The following ITPKB variants were observed in gnomAD, a reference collection of about 807,000 sequenced individuals.
ITPKB encodes the protein IP3 3-kinase B.
In ITPKB, 13 loss-of-function variants were observed where a neutral mutation model predicts 69.4. The observed-to-expected ratio is 0.19, with a 90% confidence interval of 0.12 to 0.30. ITPKB has a LOEUF of 0.30. Among genes scored for constraint, ITPKB ranks in the 10% least tolerant of loss-of-function variants. ITPKB has a pLI of 1.00. For synonymous variants in ITPKB, 584 were observed against 513.7 expected, an observed-to-expected ratio of 1.14 and a Z score of -1.85; for missense variants, 1,240 against 1,250.5, an observed-to-expected ratio of 0.99 and a Z score of 0.13.
At chr1:226,635,557 C>A (rs1287199027) in intron 7 of ITPKB, among the ~76,000 whole-genome samples, 1 of 152,128 alleles carries the variant, frequency 6.6e-6, no homozygotes, top group Non-Finnish European at 1.5e-5. Context: ...GACCACAACC[C>A]AATCTGGGGC....
At chr1:226,651,763 A>G (rs536722022) in intron 2 of ITPKB, among the ~76,000 whole-genome samples, 12 of 152,330 alleles carry the variant, frequency 7.9e-5, no homozygotes, top group African/African-American at 2.6e-4. Context: ...CAGAGGCTAA[A>G]GACCAGGGGT....
chr1:226,651,153 A>C (rs1170580357), intron 2 of ITPKB, among the ~76,000 whole-genome samples: 3 of 152,136 alleles, frequency 2.0e-5, no homozygotes, highest in Non-Finnish European at 4.4e-5. Flanking sequence ...AGAAGACTAC[A>C]GCTGGCAGCG....
intron 7 of ITPKB, among the ~76,000 whole-genome samples, chr1:226,635,928 G>A (rs1668828645): frequency 1.3e-5 from 2 of 152,254 alleles, no homozygotes; most frequent in Non-Finnish European, 2.9e-5. Context: ...GGGCTCAGGT[G>A]ACATTCCAGC....
At chr1:226,675,390 C>T (rs918829108) in intron 2 of ITPKB, among the ~76,000 whole-genome samples, 1 of 152,168 alleles carries the variant, frequency 6.6e-6, no homozygotes, top group Non-Finnish European at 1.5e-5. Context: ...AGTCCAATCA[C>T]GAAGCACAGA....
Position 226,736,498 on chromosome 1 carries a change from G to T in ITPKB, c.961C>A (p.Leu321Ile). 1 of 1,614,044 alleles carries T rather than the reference G, an allele frequency of 6.2e-7. No homozygotes were observed. Among genetic ancestry groups the T allele is most frequent in the Non-Finnish European group, 8.5e-7 (1 of 1,180,050 alleles). The change falls in exon 2 of 8, where the codon CTT (leucine) becomes ATT (isoleucine). Residue 321 changes from leucine (L) to isoleucine (I), a missense_variant. Transcript: ENST00000429204. The stretch of plus-strand genomic sequence containing the variant: ...CTCCCAGACGGCTCAGTGAGGGCAA[G>T]ATCCTGTGGACGGTGTGGCCCAGTG... ...TSTGPHRPQD[L>I]ALTEPSGRAR...
intron 2 of ITPKB, among the ~76,000 whole-genome samples, chr1:226,655,703 C>T (rs1249973022): frequency 1.3e-5 from 2 of 152,270 alleles, no homozygotes; most frequent in African/African-American, 2.4e-5. Context: ...AGGGCCAGCA[C>T]TGTCTGATCC....
intron 2 of ITPKB, among the ~76,000 whole-genome samples, chr1:226,711,514 C>CCAGATGCT (rs1380341300): frequency 1.3e-5 from 2 of 150,850 alleles, no homozygotes; most frequent in African/African-American, 4.9e-5. Flanking sequence ...GCCCAGATGC[C>CCAGATGCT]CAGATGCTCA....
At chr1:226,707,665 A>C (rs1656836538) in intron 2 of ITPKB, 2 of 1,016,190 alleles carry the variant, frequency 2.0e-6, no homozygotes, top group African/African-American at 3.5e-5. Flanking sequence ...TCACAAGGAA[A>C]CATGTAGAGT....
rs898448559 is a variant in ITPKB, at chr1:226,738,474, G to A, written c.-206+567C>T. On this transcript the variant is annotated intron_variant, in intron 1 of 7. Coordinates refer to ENST00000429204, the MANE Select transcript of ITPKB (RefSeq NM_002221.4). The surrounding 1 kb of genome is among the most constrained non-coding windows in gnomAD (Gnocchi z 4.2). ...TGGGGGGGTGTCTGTGAGTGTGTGT[G>A]TATACACGCGTGTGTGTATACGCCG... is the stretch of plus-strand genomic sequence containing the variant. Among the ~76,000 whole-genome samples the A allele has an allele frequency of 3.3e-5, 5 of 152,188 alleles. No homozygotes were observed. The highest frequency in any genetic ancestry group is 1.3e-4 in the Admixed American group (2 of 15,260).
intron 2 of ITPKB, among the ~76,000 whole-genome samples, chr1:226,701,373 G>C (rs1656632067): frequency 6.6e-6 from 1 of 152,090 alleles, no homozygotes; most frequent in Admixed American, 6.5e-5. Flanking sequence ...GGGAGGCCGA[G>C]GCAGGCGGAT....
rs1372972393 is a variant in ITPKB, at chr1:226,641,807, A to T, written c.2451+114T>A. The T allele has an allele frequency of 2.0e-6, 2 of 1,005,578 alleles. No individual in the cohort carries two copies. Among genetic ancestry groups the T allele is most frequent in the African/African-American group, 3.2e-5 (2 of 62,216 alleles). 62.3% of individuals were successfully genotyped at this position (1,005,578 alleles called of 1,614,324 possible). ...TCTGGCCTTGGGGCGGGCCACCCACATTCTGAGCCTGTGCCTGGAGAAGCT... is the reference window on the plus strand; with the variant it reads ...TCTGGCCTTGGGGCGGGCCACCCACTTTCTGAGCCTGTGCCTGGAGAAGCT... On this transcript the variant is annotated intron_variant, in intron 5 of 7. Coordinates refer to ENST00000429204, the MANE Select transcript of ITPKB (RefSeq NM_002221.4). The surrounding 1 kb of genome is among the most constrained non-coding windows in gnomAD (Gnocchi z 4.6).
Position 226,670,424 on chromosome 1 carries a change from C to A in ITPKB, c.1933-21653G>T, listed in dbSNP as rs147852426. On this transcript the variant is annotated intron_variant, in intron 2 of 7. Coordinates refer to ENST00000429204, the MANE Select transcript of ITPKB (RefSeq NM_002221.4). ...AAAAAACGGAAAAAGTTACATGCAC[C>A]AAGATGTTAATTATGCCATTGTTTC... is the stretch of plus-strand genomic sequence containing the variant. 1.7e-3 allele frequency among the ~76,000 whole-genome samples: 255 copies of A among 152,192 alleles called. 2 individuals carry two copies. The highest frequency in any genetic ancestry group is 6.0e-3 in the African/African-American group (248 of 41,504).
chr1:226,714,326 C>T (rs866249831), intron 2 of ITPKB, among the ~76,000 whole-genome samples: 1 of 152,192 alleles, frequency 6.6e-6, no homozygotes, highest in South Asian at 2.1e-4. Flanking sequence ...CACAGCTGAC[C>T]CAGATCAGGT....
At chr1:226,722,643 A>G (rs1657276842) in intron 2 of ITPKB, among the ~76,000 whole-genome samples, 1 of 152,164 alleles carries the variant, frequency 6.6e-6, no homozygotes, top group Non-Finnish European at 1.5e-5. Context: ...ACCACCCCTG[A>G]GGTCAACACT....
Position 226,634,460 on chromosome 1 carries a change from A to G in ITPKB, c.*211T>C. 1.7e-6 allele frequency: 1 copy of G among 573,402 alleles called. No individual in the cohort carries two copies. The highest frequency in any genetic ancestry group is 2.9e-5 in the East Asian group (1 of 34,478). 35.5% of individuals were successfully genotyped at this position (573,402 alleles called of 1,614,324 possible). A position where few individuals can be genotyped will look rare whatever the true frequency, so the allele number is the denominator to read the frequency against. ...CTGGGCATTTCTCTTCTAGTAGGTG[A>G]CCCTCTCTACAAAAAGCAGTGCAAA... is the stretch of plus-strand genomic sequence containing the variant. On this transcript the variant is annotated 3_prime_UTR_variant, in exon 8 of 8. Coordinates refer to ENST00000429204, the MANE Select transcript of ITPKB (RefSeq NM_002221.4). The surrounding 1 kb of genome is among the most constrained non-coding windows in gnomAD (Gnocchi z 6.3).
At chr1:226,722,409 G>T in intron 2 of ITPKB, among the ~76,000 whole-genome samples, 1 of 152,192 alleles carries the variant, frequency 6.6e-6, no homozygotes, top group East Asian at 1.9e-4. Flanking sequence ...GCAGGGCTCC[G>T]TTCAGCTTCT....
chr1:226,698,315 C>A (rs1277893501), intron 2 of ITPKB, among the ~76,000 whole-genome samples: 5 of 152,224 alleles, frequency 3.3e-5, no homozygotes, highest in Admixed American at 3.3e-4. Context: ...CTGGACTGAG[C>A]AGAGCTGACC....
intron 2 of ITPKB, among the ~76,000 whole-genome samples, chr1:226,656,409 G>A (rs939403665): frequency 6.6e-6 from 1 of 152,156 alleles, no homozygotes; most frequent in Non-Finnish European, 1.5e-5. Flanking sequence ...GGGCAGGTGC[G>A]GGCTCCACTT....
chr1:226,687,603 T>G (rs149236022), intron 2 of ITPKB, among the ~76,000 whole-genome samples: 39 of 152,330 alleles, frequency 2.6e-4, no homozygotes, highest in African/African-American at 9.4e-4. Flanking sequence ...ACTTGTCAAC[T>G]TGAGGCTGGC....
Sources: allele counts gnomAD v4.1 joint callset (sites outside exome capture counted in the v4.1 genomes callset), GRCh38; gene constraint gnomAD v4.1.1; non-coding constraint Gnocchi (gnomAD v3.1); transcripts MANE v1.5; gene names NCBI Gene and HGNC (gene_info 2026-07-23, HGNC 2026-07-21).